FUT8: variants seen among roughly 807,000 people sequenced by gnomAD.
FUT8 encodes alpha-(1,6)-fucosyltransferase.
FUT8 carries 29 observed loss-of-function variants against 71.3 expected under a neutral mutation model. The ratio of observed to expected loss-of-function variants is 0.41; its 90% CI spans 0.30 to 0.55. The LOEUF is 0.55. FUT8 is among the 20% of genes least tolerant of loss of function. The probability of loss-of-function intolerance (pLI) is 0.34; values close to 1 mark genes in which losing one functional copy is unlikely to be tolerated. For synonymous variants in FUT8, 254 were observed against 239.3 expected, an observed-to-expected ratio of 1.06 and a Z score of -0.57; for missense variants, 544 against 702.1, an observed-to-expected ratio of 0.77 and a Z score of 2.55.
chr14:65,437,173 C>T (rs1317551707), intron 1 of FUT8, among the ~76,000 whole-genome samples: 1 of 152,196 alleles, frequency 6.6e-6, no homozygotes, highest in Non-Finnish European at 1.5e-5. Flanking sequence ...CAGACCTCTT[C>T]AAGTTGCAAC....
chr14:65,691,278 CTTTTA>C (rs1470168414), intron 7 of FUT8, among the ~76,000 whole-genome samples: 1 of 150,866 alleles, frequency 6.6e-6, no homozygotes, highest in Non-Finnish European at 1.5e-5. Flanking sequence ...TGACTGATTC[CTTTTA>C]TTTTTAGTGT....
At chr14:65,422,061 T>C (rs936059998) in intron 1 of FUT8, among the ~76,000 whole-genome samples, 3 of 152,096 alleles carry the variant, frequency 2.0e-5, no homozygotes, top group African/African-American at 7.2e-5. Context: ...GACATTTTGT[T>C]TGGGGGCAAG....
intron 3 of FUT8, among the ~76,000 whole-genome samples, chr14:65,568,285 GGTT>G (rs1327900326): frequency 3.3e-5 from 5 of 150,740 alleles, no homozygotes; most frequent in Non-Finnish European, 5.9e-5. Flanking sequence ...TCTTAATATT[GGTT>G]GTGTTTTCTC....
chr14:65,591,309 A>C (rs567598770), intron 3 of FUT8, among the ~76,000 whole-genome samples: 1 of 152,276 alleles, frequency 6.6e-6, no homozygotes, highest in East Asian at 1.9e-4. Flanking sequence ...GGCAAAAAGC[A>C]GTTGTTCAGG....
Position 65,643,665 on chromosome 14 carries a change from T to TACACACACACACACAC in FUT8, c.597+14094_597+14109dup, listed in dbSNP as rs60967671. ...CGAGACTCCGTCTTTAAAAAAAAAA[T>TACACACACACACACAC]ACACACACACACACACACACACACA... is the stretch of plus-strand genomic sequence containing the variant. On this transcript the variant is annotated intron_variant, in intron 6 of 10. Coordinates refer to ENST00000673929, the MANE Select transcript of FUT8 (RefSeq NM_001371533.1). This position sits in a 1 kb window ranked among gnomAD's most constrained non-coding sequence, Gnocchi z 4.5. 5.4e-3 allele frequency among the ~76,000 whole-genome samples: 676 copies of TACACACACACACACAC among 124,722 alleles called. 13 individuals are homozygous for TACACACACACACACAC. The highest frequency in any genetic ancestry group is 0.01 in the East Asian group (40 of 3,828). The allele number at this position is 124,722 out of a possible 152,430, so 81.8% of individuals were successfully genotyped here.
At chr14:65,690,313 G>A (rs1389754589) in intron 7 of FUT8, among the ~76,000 whole-genome samples, 1 of 152,018 alleles carries the variant, frequency 6.6e-6, no homozygotes, top group Non-Finnish European at 1.5e-5. Context: ...TTGAAGTCAG[G>A]TAGATCAGTC....
chr14:65,706,793 G>T (rs1184858629), intron 7 of FUT8, among the ~76,000 whole-genome samples: 1 of 152,080 alleles, frequency 6.6e-6, no homozygotes, highest in Non-Finnish European at 1.5e-5. Context: ...GGGAAGTAGG[G>T]ATTTCAGCAT....
chr14:65,691,483 A>G (rs1311365081), intron 7 of FUT8, among the ~76,000 whole-genome samples: 1 of 144,906 alleles, frequency 6.9e-6, no homozygotes, highest in Non-Finnish European at 1.5e-5. Context: ...TGATATTATT[A>G]AATTATTTAT....
At chr14:65,493,428 T>A (rs544541701) in intron 2 of FUT8, among the ~76,000 whole-genome samples, 1 of 152,098 alleles carries the variant, frequency 6.6e-6, no homozygotes, top group East Asian at 1.9e-4. Flanking sequence ...AGAGAACCTG[T>A]TGATGGGGAA....
chr14:65,663,530 A>T (rs1362410994), intron 6 of FUT8, among the ~76,000 whole-genome samples: 3 of 152,084 alleles, frequency 2.0e-5, no homozygotes, highest in African/African-American at 7.2e-5. Context: ...GGACAAAAAA[A>T]TTGGGCTATG....
intron 1 of FUT8, among the ~76,000 whole-genome samples, chr14:65,453,188 T>TCC (rs2065852403): frequency 6.6e-6 from 1 of 151,664 alleles, no homozygotes; most frequent in Non-Finnish European, 1.5e-5. Flanking sequence ...ACCTGGGCAG[T>TCC]AGTGCAGTAG....
At chr14:65,484,518 T>C (rs139539123) in intron 2 of FUT8, among the ~76,000 whole-genome samples, 1 of 152,008 alleles carries the variant, frequency 6.6e-6, no homozygotes, top group African/African-American at 2.4e-5. Context: ...TTTTTTAAAG[T>C]TTTTTATTAG....
the FUT8 span, among the ~76,000 whole-genome samples, chr14:65,387,668 G>A: frequency 6.6e-6 from 1 of 152,160 alleles, no homozygotes; most frequent in East Asian, 1.9e-4. Flanking sequence ...GCTTTGTTGG[G>A]GTTTCTCTTG....
chr14:65,530,488 A>G (rs756835876), intron 2 of FUT8, among the ~76,000 whole-genome samples: 4 of 152,138 alleles, frequency 2.6e-5, no homozygotes, highest in Non-Finnish European at 5.9e-5. Context: ...AATTGAGAAA[A>G]TCCTTAGCAA....
intron 2 of FUT8, among the ~76,000 whole-genome samples, chr14:65,522,097 T>A (rs1883120579): frequency 6.6e-6 from 1 of 152,140 alleles, no homozygotes; most frequent in Non-Finnish European, 1.5e-5. Flanking sequence ...TTCAGTTGTC[T>A]CATCTATGCA....
At chr14:65,531,975 T>C (rs544364589) in intron 2 of FUT8, among the ~76,000 whole-genome samples, 1 of 152,166 alleles carries the variant, frequency 6.6e-6, no homozygotes, top group Admixed American at 6.5e-5. Flanking sequence ...GACTGCATAG[T>C]GTTCTGTTGT....
At chr14:65,410,048 T>C (rs1279569301), upstream of FUT8, among the ~76,000 whole-genome samples, 1 of 152,126 alleles carries the variant, frequency 6.6e-6, no homozygotes, top group Non-Finnish European at 1.5e-5. Context: ...CTGCAGCTTG[T>C]GGAAAAATGC....
chr14:65,653,427 A>G (rs1397190222), intron 6 of FUT8, among the ~76,000 whole-genome samples: 2 of 152,194 alleles, frequency 1.3e-5, no homozygotes, highest in Non-Finnish European at 2.9e-5. Flanking sequence ...GATATGTTTA[A>G]TAAATGCCTT....
At chr14:65,512,895 G>T (rs962383522) in intron 2 of FUT8, among the ~76,000 whole-genome samples, 2 of 136,526 alleles carry the variant, frequency 1.5e-5, no homozygotes, top group African/African-American at 5.9e-5. Flanking sequence ...GCGACAGAGT[G>T]AGACTCTGTC....
Sources: gnomAD v4.1 joint callset for allele counts (sites outside exome capture counted in the v4.1 genomes callset) on GRCh38, gnomAD v4.1.1 for gene constraint, Gnocchi (gnomAD v3.1) non-coding constraint, MANE v1.5 for transcripts, NCBI Gene and HGNC (gene_info 2026-07-23, HGNC 2026-07-21) for gene names.